OSBPL10: variants seen among roughly 807,000 people sequenced by gnomAD.
OSBPL10 encodes the protein oxysterol-binding protein-related protein 10.
In OSBPL10, 49 loss-of-function variants were observed where a neutral mutation model predicts 81.7. The observed-to-expected ratio is 0.60, with a 90% CI of 0.48 to 0.76. The LOEUF is 0.76. OSBPL10 is among the 30% of genes least tolerant of loss of function. The pLI, the probability that OSBPL10 is intolerant of heterozygous loss-of-function variation, is 0.00. For missense variants in OSBPL10, 923 were observed against 987.8 expected (o/e 0.93, Z 0.88); for synonymous variants, 419 against 383.6 (o/e 1.09, Z -1.08).
At chr3:31,890,743 TCTGAA>T (rs1347390288) in intron 1 of OSBPL10, among the ~76,000 whole-genome samples, 1 of 152,184 alleles carries the variant, frequency 6.6e-6, no homozygotes, top group Non-Finnish European at 1.5e-5. Context: ...CTCATTTCCC[TCTGAA>T]CTATTAACTC....
At chr3:31,738,764 C>G (rs778589654) in intron 5 of OSBPL10, among the ~76,000 whole-genome samples, 1 of 152,286 alleles carries the variant, frequency 6.6e-6, no homozygotes, top group South Asian at 2.1e-4. Context: ...CAGACTCCTA[C>G]GCTATGCACC....
chr3:31,969,938 G>T (rs1483420564), intron 1 of OSBPL10, among the ~76,000 whole-genome samples: 1 of 151,982 alleles, frequency 6.6e-6, no homozygotes, highest in Non-Finnish European at 1.5e-5. Flanking sequence ...GGGGGTGGGG[G>T]GCGCGGGGCA....
At position 31,730,837 on chromosome 3, in the gene OSBPL10, C is replaced by A. The variant is rs1345695059; in HGVS notation, c.1095+2420G>T. On this transcript the variant is annotated intron_variant, in intron 6 of 11. Transcript: ENST00000396556. ...TATCCCCCCAAAGACCTAACATGTT[C>A]TAAACGGTAAACCAGAAGACAATAG... Among the ~76,000 whole-genome samples, 5 of 152,218 alleles carry A rather than the reference C, an allele frequency of 3.3e-5. No homozygotes were observed. The East Asian group carries it at 9.6e-4, about 29-fold the overall frequency.
chr3:31,766,677 A>C lies in OSBPL10; in HGVS notation c.730-18557T>G, dbSNP rs535774515. On this transcript the variant is annotated intron_variant, in intron 4 of 11. Transcript: ENST00000396556. ...TGACATTCATGAGCTATAAGGATAC[A>C]TACTATTTACAAATACTTTTAAAAC... Among the ~76,000 whole-genome samples, 4 of 152,246 alleles carry C rather than the reference A, an allele frequency of 2.6e-5. No individual in the cohort carries two copies. The East Asian group carries it at 7.7e-4, about 29-fold the overall frequency.
chr3:32,017,213 C>T (rs1347174191), intron 2 of OSBPL10, among the ~76,000 whole-genome samples: 3 of 152,112 alleles, frequency 2.0e-5, no homozygotes, highest in African/African-American at 7.2e-5. Flanking sequence ...AGGCAAATAG[C>T]ATTGTTTTTC....
chr3:31,923,486 T>A (rs1696979984), intron 1 of OSBPL10, among the ~76,000 whole-genome samples: 1 of 152,230 alleles, frequency 6.6e-6, no homozygotes, highest in Admixed American at 6.5e-5. Context: ...ACTTTTTGTT[T>A]GTTTTCTTAA....
intron 2 of OSBPL10, among the ~76,000 whole-genome samples, chr3:32,044,338 T>A (rs546378781): frequency 2.0e-5 from 3 of 149,754 alleles, no homozygotes; most frequent in African/African-American, 7.3e-5. Context: ...AATTCCCCTA[T>A]CAATACAAAG....
intron 4 of OSBPL10, among the ~76,000 whole-genome samples, chr3:31,776,169 T>A (rs1335805336): frequency 6.6e-6 from 1 of 152,008 alleles, no homozygotes; most frequent in Non-Finnish European, 1.5e-5. Context: ...AAATTGAGAT[T>A]AATTACATAT....
chr3:31,796,951 G>A lies in OSBPL10; in HGVS notation c.729+33089C>T, dbSNP rs566647248. Among the ~76,000 whole-genome samples the A allele has an allele frequency of 4.7e-5, 7 of 150,488 alleles. No individual in the cohort carries two copies. The East Asian group carries it at 9.8e-4, about 21-fold the overall frequency. ...CATACAGGTTCCTTCAAGAGAGACT[G>A]ATGAACCTTACAAATGATTTTTATT... is the stretch of plus-strand genomic sequence containing the variant. On this transcript the variant is annotated intron_variant, in intron 4 of 11. Coordinates refer to ENST00000396556, the MANE Select transcript of OSBPL10 (RefSeq NM_017784.5).
chr3:31,743,638 T>G (rs1697428351), intron 5 of OSBPL10, among the ~76,000 whole-genome samples: 1 of 150,616 alleles, frequency 6.6e-6, no homozygotes, highest in Non-Finnish European at 1.5e-5. Flanking sequence ...CATAAATCAT[T>G]TTTTATTCAG....
At chr3:32,019,053 C>T (rs1699339374) in intron 2 of OSBPL10, among the ~76,000 whole-genome samples, 1 of 152,096 alleles carries the variant, frequency 6.6e-6, no homozygotes, top group Admixed American at 6.6e-5. Flanking sequence ...TTGCAATCTC[C>T]ACCAACGGCC....
At position 32,044,399 on chromosome 3, in the gene OSBPL10, T is replaced by C. The variant is rs1039172454; in HGVS notation, n.298+2092A>G. On this transcript the variant is annotated intron_variant and non_coding_transcript_variant, in intron 2 of 3. Coordinates refer to the OSBPL10 transcript ENST00000479173. ...TATAATAAATAATAATAATAATATA[T>C]AACATAATTTAAAAAAATTTTAATG... 4.7e-5 allele frequency among the ~76,000 whole-genome samples: 7 copies of C among 148,552 alleles called. No homozygotes were observed. The South Asian group carries it at 1.3e-3, about 27-fold the overall frequency.
chr3:31,757,619 C>A (rs374261465), intron 4 of OSBPL10, among the ~76,000 whole-genome samples: 1 of 152,298 alleles, frequency 6.6e-6, no homozygotes, highest in East Asian at 1.9e-4. Context: ...GACATCTTTC[C>A]ACACCAATAA....
intron 2 of OSBPL10, chr3:31,990,900 A>T: frequency 6.3e-7 from 1 of 1,575,140 alleles, no homozygotes; most frequent in Non-Finnish European, 8.6e-7. Context: ...CTTCACATTC[A>T]CATCGCATTA....
intron 1 of OSBPL10, among the ~76,000 whole-genome samples, chr3:31,932,028 C>T (rs11711063): frequency 0.16 from 24,849 of 151,550 alleles, 2,497 homozygotes; most frequent in South Asian, 0.26. Context: ...GGCAATACAG[C>T]GAGACTCTGT....
chr3:31,837,974 T>C (rs1373199281), intron 3 of OSBPL10, among the ~76,000 whole-genome samples: 1 of 152,336 alleles, frequency 6.6e-6, no homozygotes, highest in East Asian at 1.9e-4. Flanking sequence ...TTTATAATTA[T>C]TGTAATAAAA....
rs1006536663 is a variant in OSBPL10, at chr3:31,904,929, T to C, written c.282-25099A>G. Among the ~76,000 whole-genome samples, 3 of 152,168 alleles carry C rather than the reference T, an allele frequency of 2.0e-5. No individual in the cohort carries two copies. In the East Asian group the frequency reaches 5.8e-4, roughly 29 times the overall value. ...TGAGGTTTTCTCCAAGGAATTTTTC[T>C]TAAACTGGAGGCAGCTACAAGCATC... On this transcript the variant is annotated intron_variant, in intron 1 of 11. Transcript: ENST00000396556.
In OSBPL10 at chr3:31,835,721, C is replaced by T. The variant is rs142994584; in HGVS notation, c.538-5490G>A. ...TATTTTGAAAAACAAATTTAACCAA[C>T]TAAAATCATTTGATTATATTTCTTC... On this transcript the variant is annotated intron_variant, in intron 3 of 11. Coordinates refer to ENST00000396556, the MANE Select transcript of OSBPL10 (RefSeq NM_017784.5). Among the ~76,000 whole-genome samples, 9 of 152,262 alleles carry T rather than the reference C, an allele frequency of 5.9e-5. No homozygotes were observed. The East Asian group carries it at 1.7e-3, about 29-fold the overall frequency.
intron 5 of OSBPL10, among the ~76,000 whole-genome samples, chr3:31,733,904 G>A (rs904270075): frequency 6.6e-6 from 1 of 151,888 alleles, no homozygotes; most frequent in Non-Finnish European, 1.5e-5. Context: ...CAGCTACTCG[G>A]GAGGCTGAGG....
Sources: allele counts gnomAD v4.1 joint callset (sites outside exome capture counted in the v4.1 genomes callset), GRCh38; gene constraint gnomAD v4.1.1; transcripts MANE v1.5; gene names NCBI Gene and HGNC (gene_info 2026-07-23, HGNC 2026-07-21).